The following SPATA13 variants were observed in gnomAD, a reference collection of about 807,000 sequenced individuals.
SPATA13 encodes the protein spermatogenesis associated 13.
Under a neutral mutation model 104.0 loss-of-function variants are expected in SPATA13, and 50 were observed. The observed-to-expected ratio is 0.48, with a 90% CI of 0.38 to 0.61. SPATA13 has a LOEUF of 0.61. Among genes scored for constraint, SPATA13 ranks in the 20% least tolerant of loss-of-function variants. The probability of loss-of-function intolerance (pLI) is 0.00; values close to 1 mark genes in which losing one functional copy is unlikely to be tolerated. For missense variants in SPATA13, 1,524 were observed against 1,690.6 expected (o/e 0.90, Z 1.73); for synonymous variants, 606 against 667.5 (o/e 0.91, Z 1.42).
intron 3 of SPATA13, among the ~76,000 whole-genome samples, chr13:24,019,380 A>G (rs7321200): frequency 0.83 from 126,686 of 152,100 alleles, 53,131 homozygotes; most frequent in Middle Eastern, 0.88. Flanking sequence ...GAGCCACCAC[A>G]CCCGGCCATG....
intron 4 of SPATA13, among the ~76,000 whole-genome samples, chr13:24,268,897 T>C (rs1346890169): frequency 6.6e-6 from 1 of 152,180 alleles, no homozygotes; most frequent in East Asian, 1.9e-4. Context: ...TTACCTGGAT[T>C]TGAGGGTGGG....
intron 11 of SPATA13, 103 bp from the exon 12 acceptor site, chr13:24,300,298 G>A: frequency 1.2e-6 from 1 of 806,608 alleles, no homozygotes; most frequent in South Asian, 1.8e-5. Flanking sequence ...TCTGTCTCAG[G>A]TTGTGGTGAT....
chr13:24,139,435 CA>C (rs1171358608), intron 3 of SPATA13, among the ~76,000 whole-genome samples: 2 of 152,098 alleles, frequency 1.3e-5, no homozygotes, highest in African/African-American at 4.8e-5. Context: ...AGAGAAGAAG[CA>C]AAAACCCACA....
chr13:24,287,884 C>T (rs1306753601), intron 7 of SPATA13, among the ~76,000 whole-genome samples: 1 of 152,232 alleles, frequency 6.6e-6, no homozygotes, highest in African/African-American at 2.4e-5. Context: ...CATTACGGCT[C>T]TCCTAGCTGT....
chr13:24,219,447 T>C (rs747420060), intron 1 of SPATA13, among the ~76,000 whole-genome samples: 9 of 152,204 alleles, frequency 5.9e-5, no homozygotes, highest in Admixed American at 5.9e-4. Flanking sequence ...TGTTAGAAAA[T>C]TTCAACTTCT....
At chr13:24,189,888 T>TATATTATATAATTATATTACATA (rs1869482331) in intron 1 of SPATA13, among the ~76,000 whole-genome samples, 1 of 10,300 alleles carries the variant, frequency 9.7e-5, no homozygotes, top group Non-Finnish European at 1.6e-3. Context: ...TATATCATAA[T>TATATTATATAATTATATTACATA]ATATATTATA....
intron 3 of SPATA13, among the ~76,000 whole-genome samples, chr13:24,101,555 C>G (rs1219863883): frequency 6.6e-6 from 1 of 152,050 alleles, no homozygotes. Flanking sequence ...TAGTGTTAAC[C>G]CTATGCACAT....
intron 3 of SPATA13, among the ~76,000 whole-genome samples, chr13:24,128,978 C>T (rs1881309252): frequency 1.3e-5 from 2 of 152,342 alleles, no homozygotes; most frequent in South Asian, 4.1e-4. Context: ...ATCTGTGTGA[C>T]TGCTGCAAAA....
At chr13:24,121,869 G>T (rs1252407292) in intron 3 of SPATA13, among the ~76,000 whole-genome samples, 1 of 151,496 alleles carries the variant, frequency 6.6e-6, no homozygotes, top group African/African-American at 2.4e-5. Flanking sequence ...CATCCCCCTC[G>T]ATCCCCCAAA....
At chr13:24,212,296 GAAAAA>G (rs11288795) in intron 1 of SPATA13, among the ~76,000 whole-genome samples, 1 of 134,330 alleles carries the variant, frequency 7.4e-6, no homozygotes, top group Non-Finnish European at 1.6e-5. Flanking sequence ...CCCTGTTTAA[GAAAAA>G]AAAAAAAAAA....
Position 24,251,759 on chromosome 13 carries a change from C to G in SPATA13, c.2061C>G (p.Pro687=). Residue 687 remains proline, a synonymous_variant, in exon 4 of 13, where the codon CCC becomes CCG. Transcript: ENST00000382108. ...CCATGCCTGCTCACCAGGTGCCACC[C>G]TACAAGGCTGTGTCGGCCCGGTTCC... ...RPPMPAHQVP[P]YKAVSARFRP... The G allele has an allele frequency of 6.2e-7, 1 of 1,614,216 alleles. No homozygotes were observed. Among genetic ancestry groups the G allele is most frequent in the Non-Finnish European group, 8.5e-7 (1 of 1,180,024 alleles).
intron 1 of SPATA13, among the ~76,000 whole-genome samples, chr13:24,207,852 G>A (rs1870792224): frequency 6.6e-6 from 1 of 152,228 alleles, no homozygotes; most frequent in African/African-American, 2.4e-5. Flanking sequence ...ACTACCTGGT[G>A]TAGGTGGTGG....
chr13:24,074,384 A>ATT, intron 3 of SPATA13, among the ~76,000 whole-genome samples: 1 of 150,494 alleles, frequency 6.6e-6, no homozygotes, highest in South Asian at 2.1e-4. Context: ...AATAGACCAC[A>ATT]TTTTTTTTTT....
intron 8 of SPATA13, among the ~76,000 whole-genome samples, chr13:24,289,608 T>G (rs1293685149): frequency 6.6e-6 from 1 of 152,160 alleles, no homozygotes; most frequent in Non-Finnish European, 1.5e-5. Context: ...ATGAGGAAAC[T>G]AAGGCCCAGA....
chr13:24,226,362 G>A (rs2138617973), intron 2 of SPATA13, among the ~76,000 whole-genome samples: 1 of 152,100 alleles, frequency 6.6e-6, no homozygotes, highest in East Asian at 1.9e-4. Context: ...GGTACCTGTC[G>A]GCCTTTGAAT....
At chr13:24,229,487 T>A (rs563638817) in intron 2 of SPATA13, among the ~76,000 whole-genome samples, 2 of 152,162 alleles carry the variant, frequency 1.3e-5, no homozygotes, top group Non-Finnish European at 2.9e-5. Flanking sequence ...GCCAGTGAAA[T>A]TATGGATGTC....
At chr13:24,206,390 G>C (rs1385188124) in intron 1 of SPATA13, among the ~76,000 whole-genome samples, 1 of 152,092 alleles carries the variant, frequency 6.6e-6, no homozygotes, top group Non-Finnish European at 1.5e-5. Context: ...CAGAATGACT[G>C]TTATCAAAAA....
rs577013959 is a variant in SPATA13, at chr13:24,303,222, C to G, written c.*449C>G. The G allele has an allele frequency of 9.4e-6, 4 of 427,786 alleles. No homozygotes were observed. The highest frequency in any genetic ancestry group is 6.1e-5 in the African/African-American group (3 of 49,144). 26.5% of individuals were successfully genotyped at this position (427,786 alleles called of 1,614,324 possible). On this transcript the variant is annotated 3_prime_UTR_variant, in exon 13 of 13. Transcript: ENST00000382108. Reference sequence around the variant, plus strand: ...GGATGCCGTCAAGACGGGGTTGACACAATGCTGCACGTGTCTGGTCACACT... The same window carrying G: ...GGATGCCGTCAAGACGGGGTTGACAGAATGCTGCACGTGTCTGGTCACACT...
chr13:24,098,429 C>T (rs556037953), intron 3 of SPATA13, among the ~76,000 whole-genome samples: 10 of 151,742 alleles, frequency 6.6e-5, no homozygotes, highest in African/African-American at 2.2e-4. Flanking sequence ...CCTGTCTCCA[C>T]AAAAAATACA....
Sources: gnomAD v4.1 joint callset for allele counts (sites outside exome capture counted in the v4.1 genomes callset) on GRCh38, gnomAD v4.1.1 for gene constraint, MANE v1.5 for transcripts, NCBI Gene and HGNC (gene_info 2026-07-23, HGNC 2026-07-21) for gene names.